The following MCF2L variants were observed in gnomAD, a reference collection of about 807,000 sequenced individuals.
MCF2L encodes guanine nucleotide exchange factor DBS.
MCF2L carries 97 observed loss-of-function variants against 153.4 expected under a neutral mutation model. The ratio of observed to expected loss-of-function variants is 0.63; its 90% CI spans 0.54 to 0.75. The LOEUF (loss-of-function observed/expected upper bound fraction) is 0.75. Ranked by LOEUF, MCF2L falls within the 30% of genes least tolerant of loss-of-function variation. The pLI, the probability that MCF2L is intolerant of heterozygous loss-of-function variation, is 0.00. For missense variants in MCF2L, 1,347 were observed against 1,495.2 expected, an observed-to-expected ratio of 0.90 and a Z score of 1.64; for synonymous variants, 659 against 632.2, an observed-to-expected ratio of 1.04 and a Z score of -0.64.
rs2087630155 is a variant in MCF2L, at chr13:113,054,960, T to C, written c.370-5633T>C. 2.6e-5 allele frequency: 4 copies of C among 152,256 alleles called. No homozygotes were observed. In the South Asian group the frequency reaches 8.3e-4, roughly 31 times the overall value. 9.4% of individuals were successfully genotyped at this position (152,256 alleles called of 1,614,324 possible). On this transcript the variant is annotated intron_variant, in intron 4 of 29. Transcript: ENST00000535094. This position sits in a 1 kb window ranked among gnomAD's most constrained non-coding sequence, Gnocchi z 5.2. ...ATAGAAACCTATAGGATTACTTTAC[T>C]GTTGAGTAATTTACAAAAAGACTTG...
intron 5 of MCF2L, chr13:113,063,877 A>C (rs1016970887): frequency 2.2e-6 from 1 of 447,742 alleles, no homozygotes; most frequent in African/African-American, 2.0e-5. Context: ...TGTGAGTTTG[A>C]AGATGCCGGT....
chr13:112,977,255 AC>A (rs2082248484), intron 1 of MCF2L, among the ~76,000 whole-genome samples: 1 of 152,230 alleles, frequency 6.6e-6, no homozygotes, highest in African/African-American at 2.4e-5. Flanking sequence ...CCCGGGGTTC[AC>A]AAAAGTCAAC....
intron 3 of MCF2L, among the ~76,000 whole-genome samples, chr13:113,038,273 G>A (rs2086266099): frequency 1.3e-5 from 2 of 152,060 alleles, no homozygotes; most frequent in South Asian, 4.2e-4. Flanking sequence ...AGATCATCCT[G>A]GCTAACATGG....
At chr13:112,954,206 G>C (rs2081729732) in intron 2 of MCF2L, among the ~76,000 whole-genome samples, 1 of 152,192 alleles carries the variant, frequency 6.6e-6, no homozygotes, top group Non-Finnish European at 1.5e-5. Context: ...CCTGTTTCCA[G>C]GCCTCACACA....
Position 113,064,484 on chromosome 13 carries a change from C to G in MCF2L, c.606+64C>G. ...GCTCGAGTACTTCCACAGAATCGCT[C>G]TTGCATTACAACACGGCCCTTTCCA... On this transcript the variant is annotated intron_variant, in intron 6 of 29. Coordinates refer to ENST00000535094, the MANE Select transcript of MCF2L (RefSeq NM_001112732.3). This position sits in a 1 kb window ranked among gnomAD's most constrained non-coding sequence, Gnocchi z 6.0. The G allele has an allele frequency of 1.9e-6, 2 of 1,034,386 alleles. No homozygotes were observed. Among genetic ancestry groups the G allele is most frequent in the South Asian group, 2.5e-5 (2 of 78,870 alleles). 64.1% of individuals were successfully genotyped at this position (1,034,386 alleles called of 1,614,324 possible).
chr13:112,955,930 A>G (rs1413776512), intron 2 of MCF2L: 3 of 152,224 alleles, frequency 2.0e-5, no homozygotes, highest in African/African-American at 7.2e-5. Context: ...TGCCATACCC[A>G]GGGGCCAGAG....
intron 1 of MCF2L, among the ~76,000 whole-genome samples, chr13:112,999,541 A>G (rs1288864570): frequency 1.3e-5 from 2 of 152,132 alleles, no homozygotes; most frequent in East Asian, 1.9e-4. Context: ...CAGCCGCTGT[A>G]CGGCTGGCTG....
chr13:112,900,698 C>T (rs1049746988), intron 1 of MCF2L, among the ~76,000 whole-genome samples: 2 of 152,028 alleles, frequency 1.3e-5, no homozygotes, highest in African/African-American at 4.8e-5. Context: ...CCTGGTGTCC[C>T]CAGAGTGTTT....
chr13:112,905,122 A>G (rs1228034530), intron 2 of MCF2L, among the ~76,000 whole-genome samples: 3 of 152,194 alleles, frequency 2.0e-5, no homozygotes, highest in African/African-American at 7.2e-5. Context: ...TGCAAAGAAA[A>G]CGAGCACGTA....
At chr13:113,036,983 A>G (rs1452058464) in intron 3 of MCF2L, among the ~76,000 whole-genome samples, 1 of 152,222 alleles carries the variant, frequency 6.6e-6, no homozygotes, top group Admixed American at 6.5e-5. Flanking sequence ...TCTTGCATCC[A>G]TCTGGCACTG....
chr13:112,968,710 C>G (rs755703613), upstream of MCF2L: 5 of 1,408,734 alleles, frequency 3.5e-6, no homozygotes, highest in South Asian at 4.6e-5. Flanking sequence ...ACGGGGCGGC[C>G]GGAGGTAAAG....
At chr13:113,032,554 C>T (rs1209537332) in intron 3 of MCF2L, among the ~76,000 whole-genome samples, 1 of 151,648 alleles carries the variant, frequency 6.6e-6, no homozygotes, top group Non-Finnish European at 1.5e-5. Flanking sequence ...TTTGCTGCTG[C>T]CTTTCATTTT....
At chr13:113,089,169 GCCC>G (rs59023747) in intron 25 of MCF2L, among the ~76,000 whole-genome samples, 2 of 65,906 alleles carry the variant, frequency 3.0e-5, no homozygotes, top group East Asian at 4.6e-4. Flanking sequence ...ACACTCCCCC[GCCC>G]CCCCCCCCGC....
chr13:112,979,841 C>G (rs2082343076), intron 1 of MCF2L: 1 of 1,314,354 alleles, frequency 7.6e-7, no homozygotes, highest in South Asian at 1.4e-5. Context: ...AGGTGCCTCC[C>G]TGGGGTATTT....
At chr13:112,908,727 T>C (rs954528394) in intron 2 of MCF2L, among the ~76,000 whole-genome samples, 10 of 47,404 alleles carry the variant, frequency 2.1e-4, no homozygotes, top group Non-Finnish European at 3.3e-4. Context: ...TTTTGTTTTG[T>C]TTTGGTTTTT....
At chr13:112,981,996 G>A (rs2082447049) in intron 1 of MCF2L, among the ~76,000 whole-genome samples, 1 of 152,204 alleles carries the variant, frequency 6.6e-6, no homozygotes, top group South Asian at 2.1e-4. Context: ...GGTCAGGGCT[G>A]GGGGAAGATG....
At chr13:112,909,350 CG>C (rs1194412210) in intron 2 of MCF2L, 4 of 776,962 alleles carry the variant, frequency 5.1e-6, no homozygotes, top group Non-Finnish European at 7.2e-6. Flanking sequence ...TCTACAGACC[CG>C]GCCTCCCCGC....
At chr13:113,066,506 G>A (rs551978191) in intron 8 of MCF2L, among the ~76,000 whole-genome samples, 6 of 152,326 alleles carry the variant, frequency 3.9e-5, no homozygotes, top group South Asian at 2.1e-4. Flanking sequence ...CATTCCAAGC[G>A]GGGCTTCCAC....
intron 3 of MCF2L, chr13:113,044,953 C>T (rs1457605468): frequency 1.6e-5 from 25 of 1,583,976 alleles, no homozygotes; most frequent in East Asian, 1.1e-4. Flanking sequence ...GAAAATGACT[C>T]GGCTCTTACT....
Sources: gnomAD v4.1 joint callset for allele counts (sites outside exome capture counted in the v4.1 genomes callset) on GRCh38, gnomAD v4.1.1 for gene constraint, Gnocchi (gnomAD v3.1) non-coding constraint, MANE v1.5 for transcripts, NCBI Gene and HGNC (gene_info 2026-07-23, HGNC 2026-07-21) for gene names.